The following IFT56 variants were observed in gnomAD, a reference collection of about 807,000 sequenced individuals.
IFT56 encodes the protein intraflagellar transport 56, also known as intraflagellar transport protein 56.
At chr7:139,190,200 G>A in the IFT56 span, 2 of 151,894 alleles carry the variant, frequency 1.3e-5, no homozygotes, top group African/African-American at 4.8e-5. Context: ...TTTTGTTAAT[G>A]TATCTTGCTT....
the IFT56 span, among the ~76,000 whole-genome samples, chr7:139,182,646 G>A: frequency 6.6e-6 from 1 of 152,136 alleles, no homozygotes; most frequent in Admixed American, 6.6e-5. Context: ...AGTAGCAGCA[G>A]CAGGAGCAGC....
chr7:139,188,511 G>A, the IFT56 span, among the ~76,000 whole-genome samples: 1 of 152,162 alleles, frequency 6.6e-6, no homozygotes, highest in Non-Finnish European at 1.5e-5. Flanking sequence ...TGTTAATTTT[G>A]TAAGAAAATA....
chr7:139,181,314 C>T, the IFT56 span: 47 of 715,002 alleles, frequency 6.6e-5, no homozygotes, highest in African/African-American at 5.4e-5. Flanking sequence ...AGAGGATTCA[C>T]GTAGTGTTAT....
At chr7:139,167,548 C>T in the IFT56 span, among the ~76,000 whole-genome samples, 3 of 151,982 alleles carry the variant, frequency 2.0e-5, no homozygotes, top group South Asian at 6.2e-4. Flanking sequence ...AAGTGAGGCC[C>T]CAGGACTCCA....
the IFT56 span, among the ~76,000 whole-genome samples, chr7:139,137,190 T>G: frequency 6.6e-6 from 1 of 152,194 alleles, no homozygotes; most frequent in Non-Finnish European, 1.5e-5. Flanking sequence ...AAGGTCTCAG[T>G]CTTTTCCTCC....
the IFT56 span, among the ~76,000 whole-genome samples, chr7:139,177,905 C>A: frequency 6.6e-6 from 1 of 151,994 alleles, no homozygotes; most frequent in Non-Finnish European, 1.5e-5. Context: ...ATTGAATGTG[C>A]ACATGTTGGA....
the IFT56 span, among the ~76,000 whole-genome samples, chr7:139,177,611 A>AGTGTGTGTGTGTGT: frequency 0.019 from 2,795 of 148,558 alleles, 245 homozygotes; most frequent in Admixed American, 0.15. Context: ...ATATATATAT[A>AGTGTGTGTGTGTGT]GTGTGTGTGT....
chr7:139,168,835 C>T, the IFT56 span, among the ~76,000 whole-genome samples: 1 of 152,056 alleles, frequency 6.6e-6, no homozygotes. Flanking sequence ...CATCTTAATA[C>T]AGCGTTCTTT....
chr7:139,141,835 G>T, the IFT56 span, among the ~76,000 whole-genome samples: 1 of 152,174 alleles, frequency 6.6e-6, no homozygotes, highest in South Asian at 2.1e-4. Context: ...TGGAAAAGGA[G>T]ATATCAGAAG....
chr7:139,160,900 G>T, the IFT56 span: 2 of 1,426,138 alleles, frequency 1.4e-6, no homozygotes, highest in South Asian at 1.2e-5. Flanking sequence ...TGTGGTATAA[G>T]AACTATACAC....
chr7:139,137,929 G>A, the IFT56 span: 1 of 1,611,860 alleles, frequency 6.2e-7, no homozygotes, highest in South Asian at 1.1e-5. Context: ...GACTACAAGA[G>A]AGCTCTGGAG....
At chr7:139,168,483 C>T in the IFT56 span, 1 of 927,572 alleles carries the variant, frequency 1.1e-6, no homozygotes, top group Admixed American at 1.9e-5. Context: ...GTGCAAGCAG[C>T]AATAGGCTCT....
At chr7:139,180,131 A>T in the IFT56 span, among the ~76,000 whole-genome samples, 1 of 152,114 alleles carries the variant, frequency 6.6e-6, no homozygotes, top group Middle Eastern at 3.4e-3. Context: ...AGGTCAGGAG[A>T]TCGAGACCAT....
the IFT56 span, among the ~76,000 whole-genome samples, chr7:139,162,423 G>A: frequency 3.4e-4 from 51 of 152,060 alleles, no homozygotes; most frequent in Non-Finnish European, 4.4e-5. Context: ...AGAAAGAGAA[G>A]TAACAATATG....
At chr7:139,169,906 T>C in the IFT56 span, among the ~76,000 whole-genome samples, 1,019 of 152,082 alleles carry the variant, frequency 6.7e-3, 6 homozygotes, top group Middle Eastern at 0.014. Flanking sequence ...CCCAGCTACT[T>C]GAGAGGCTGA....
the IFT56 span, among the ~76,000 whole-genome samples, chr7:139,157,255 T>A: frequency 6.8e-6 from 1 of 147,822 alleles, no homozygotes; most frequent in Non-Finnish European, 1.5e-5. Flanking sequence ...CCAGCGATTC[T>A]CCTGCCTCAG....
At chr7:139,169,262 T>C in the IFT56 span, 1 of 1,599,084 alleles carries the variant, frequency 6.3e-7, no homozygotes, top group Non-Finnish European at 8.6e-7. Flanking sequence ...ACCTTATTCC[T>C]CTATATCAGC....
At chr7:139,134,057 T>G in the IFT56 span, among the ~76,000 whole-genome samples, 1 of 152,206 alleles carries the variant, frequency 6.6e-6, no homozygotes, top group South Asian at 2.1e-4. Context: ...TTCCGTTTAC[T>G]CACATTTAAA....
At chr7:139,142,256 C>A in the IFT56 span, 1 of 1,613,800 alleles carries the variant, frequency 6.2e-7, no homozygotes, top group Non-Finnish European at 8.5e-7. Flanking sequence ...TTTTTTTCAG[C>A]TTCAAAAAGC....
Sources: allele counts gnomAD v4.1 joint callset (sites outside exome capture counted in the v4.1 genomes callset), GRCh38; gene constraint gnomAD v4.1.1; transcripts MANE v1.5; gene names NCBI Gene and HGNC (gene_info 2026-07-23, HGNC 2026-07-21).